Variants in AK9 observed in about 807,000 individuals in gnomAD.
AK9 encodes adenylate kinase 9.
In AK9, 191 loss-of-function variants were observed where a neutral mutation model predicts 239.6. The observed-to-expected ratio is 0.80, with a 90% CI of 0.71 to 0.90. AK9 has a LOEUF of 0.90. Ranked by LOEUF, AK9 falls within the 40% of genes least tolerant of loss-of-function variation. The pLI, the probability that AK9 is intolerant of heterozygous loss-of-function variation, is 0.00. For missense variants in AK9, 1,995 were observed against 2,214.7 expected (o/e 0.90, Z 1.99); for synonymous variants, 689 against 721.0 (o/e 0.96, Z 0.71).
chr6:109,563,468 C>T, intron 24 of AK9, 129 bp downstream of exon 24: 2 of 1,352,894 alleles, frequency 1.5e-6, no homozygotes, highest in Non-Finnish European at 1.9e-6. Flanking sequence ...GAAGCTGAGG[C>T]AGAGGGAGAA....
At chr6:109,537,359 C>G (rs1306248631) in intron 27 of AK9, among the ~76,000 whole-genome samples, 9 of 152,078 alleles carry the variant, frequency 5.9e-5, no homozygotes, top group Middle Eastern at 3.4e-3. Context: ...AGGAATTTAT[C>G]CATTTCTTCT....
chr6:109,659,653 C>T lies in AK9; in HGVS notation c.445-240G>A, dbSNP rs139462393. The stretch of plus-strand genomic sequence containing the variant: ...AATTAATATAGGTGAAAAAGTATTA[C>T]AAGTCTTAAGATGAGAAAAGAGGAT... On this transcript the variant is annotated intron_variant, in intron 6 of 40. Coordinates refer to ENST00000424296, the MANE Select transcript of AK9 (RefSeq NM_001145128.3). Among the ~76,000 whole-genome samples, 254 of 151,968 alleles carry T rather than the reference C, an allele frequency of 1.7e-3. 4 individuals carry two copies. Among genetic ancestry groups the T allele is most frequent in the Middle Eastern group, 6.8e-3 (2 of 294 alleles).
chr6:109,637,443 T>A (rs939723225), intron 10 of AK9, among the ~76,000 whole-genome samples: 6 of 152,212 alleles, frequency 3.9e-5, no homozygotes, highest in Admixed American at 3.9e-4. Context: ...CCTCAAGTGA[T>A]CTGCCTGCCT....
At chr6:109,598,968 A>G (rs967810017) in intron 17 of AK9, among the ~76,000 whole-genome samples, 6 of 152,002 alleles carry the variant, frequency 3.9e-5, no homozygotes, top group African/African-American at 1.5e-4. Context: ...TAGATTCTGG[A>G]TATTAGCCCT....
chr6:109,497,326 T>TCACACACACACA (rs141968479), intron 38 of AK9, 139 bp downstream of exon 38: 233 of 421,730 alleles, frequency 5.5e-4, no homozygotes, highest in African/African-American at 4.1e-3. Context: ...CAGTGCTTGT[T>TCACACACACACA]CACACACACA....
Position 109,545,952 on chromosome 6 carries a change from T to C in AK9, c.3140A>G (p.Glu1047Gly), listed in dbSNP as rs764282672. ...KVGPEFEEDS[E>G]NEQAAKQELE... is the part of the protein sequence containing the mutation. ...TTCTTGTTTGGCAGCTTGCTCGTTC[T>C]CAGAATCTTCCTCAAATTCAGGTCC... Residue 1047 changes from glutamate to glycine, a missense_variant, in exon 26 of 41, where the codon GAG becomes GGG. Physicochemically the swap from Glu to Gly is moderately conservative, Grantham distance 98. Coordinates refer to ENST00000424296, the MANE Select transcript of AK9 (RefSeq NM_001145128.3). 1.2e-6 allele frequency: 2 copies of C among 1,614,218 alleles called. No individual in the cohort carries two copies. The highest frequency in any genetic ancestry group is 4.5e-5 in the East Asian group (2 of 44,890).
chr6:109,526,091 A>G (rs10872038), intron 29 of AK9, among the ~76,000 whole-genome samples: 28,726 of 152,124 alleles, frequency 0.19, 3,187 homozygotes, highest in South Asian at 0.33. Context: ...TTGAGTGCAC[A>G]TGGACACAAA....
At position 109,542,106 on chromosome 6, in the gene AK9, G is replaced by C; in HGVS notation, c.3291C>G (p.Pro1097=). The C allele has an allele frequency of 6.2e-7, 1 of 1,609,262 alleles. No homozygotes were observed. The highest frequency in any genetic ancestry group is 8.5e-7 in the Non-Finnish European group (1 of 1,176,754). The change falls in exon 27 of 41, where the codon CCC becomes CCG. Residue 1097 remains proline, a synonymous_variant. Transcript: ENST00000424296. ...VIKSSLMENE[P]LPPEILEVIL... ...TTACTTCAAGAATTTCAGGAGGCAAGGGCTCATTTTCCATTAGACTTGATT... is the reference window on the plus strand; with the variant it reads ...TTACTTCAAGAATTTCAGGAGGCAACGGCTCATTTTCCATTAGACTTGATT...
At chr6:109,548,702 A>G (rs1032016163) in intron 25 of AK9, among the ~76,000 whole-genome samples, 2 of 152,216 alleles carry the variant, frequency 1.3e-5, no homozygotes, top group African/African-American at 4.8e-5. Flanking sequence ...AGTTGAAAAA[A>G]GTTTCTACTC....
At chr6:109,606,981 G>A (rs902522819) in intron 17 of AK9, among the ~76,000 whole-genome samples, 4 of 152,118 alleles carry the variant, frequency 2.6e-5, no homozygotes, top group Admixed American at 6.5e-5. Context: ...CCATTTGCAA[G>A]TAAAATATAA....
intron 29 of AK9, among the ~76,000 whole-genome samples, chr6:109,523,714 A>C (rs976114151): frequency 6.6e-6 from 1 of 152,144 alleles, no homozygotes; most frequent in Non-Finnish European, 1.5e-5. Flanking sequence ...GTGAGGGTAA[A>C]TGCCAGAGAT....
chr6:109,529,804 T>A (rs542683904), intron 28 of AK9, among the ~76,000 whole-genome samples: 1 of 152,218 alleles, frequency 6.6e-6, no homozygotes, highest in South Asian at 2.1e-4. Context: ...GTGCTGCTGA[T>A]CTGACCAGAG....
Position 109,550,152 on chromosome 6 carries a change from C to G in AK9, c.2902G>C (p.Glu968Gln), listed in dbSNP as rs1039937901. Reference protein sequence around the residue: ...REKIYYFSSAEAKEKFLEHPE... With the variant: ...REKIYYFSSAQAKEKFLEHPE... ...TGCTCCAAAAACTTTTCTTTAGCCT[C>G]AGCACTTGAAAAGTAGTAGATCTTT... is the stretch of plus-strand genomic sequence containing the variant. Residue 968 changes from glutamate to glutamine, a missense_variant, in exon 25 of 41, where the codon GAG becomes CAG. This residue lies in a region of AK9 where 1,290 missense variants were observed against 1,392.7 expected (regional missense o/e 0.93). Coordinates refer to ENST00000424296, the MANE Select transcript of AK9 (RefSeq NM_001145128.3). 5 of 1,613,878 alleles carry G rather than the reference C, an allele frequency of 3.1e-6. No individual in the cohort carries two copies. The highest frequency in any genetic ancestry group is 3.4e-6 in the Non-Finnish European group (4 of 1,180,018).
chr6:109,607,442 A>G (rs1277630941), intron 17 of AK9, among the ~76,000 whole-genome samples: 2 of 152,222 alleles, frequency 1.3e-5, no homozygotes, highest in East Asian at 3.8e-4. Flanking sequence ...CCTAAACAAT[A>G]TAGTGTAAAC....
intron 21 of AK9, among the ~76,000 whole-genome samples, chr6:109,568,793 T>C (rs538533037): frequency 8.5e-5 from 13 of 152,144 alleles, no homozygotes; most frequent in Non-Finnish European, 1.8e-4. Flanking sequence ...TTCAAACAAA[T>C]GGGAGAACAT....
chr6:109,550,005 A>G, intron 25 of AK9, 85 bp downstream of exon 25: 1 of 1,387,902 alleles, frequency 7.2e-7, no homozygotes, highest in South Asian at 1.3e-5. Context: ...TGGGGATTTC[A>G]CCCTTAAGTA....
At chr6:109,572,174 G>A (rs547487980) in intron 21 of AK9, among the ~76,000 whole-genome samples, 21 of 152,256 alleles carry the variant, frequency 1.4e-4, no homozygotes, top group African/African-American at 4.3e-4. Flanking sequence ...ATGAATGTGC[G>A]CCTAGGCATT....
At chr6:109,497,208 ACT>A (rs1777129267) in intron 38 of AK9, among the ~76,000 whole-genome samples, 1 of 151,588 alleles carries the variant, frequency 6.6e-6, no homozygotes, top group African/African-American at 2.4e-5. Flanking sequence ...TTTGGGCTAC[ACT>A]CTCTCAGAAG....
Position 109,612,145 on chromosome 6 carries a change from G to C in AK9, c.1610-52C>G. ...AAAGAACGGTATTAAAAAAAATGTA[G>C]GTGATTCCCAAGGAAGATTGTAATA... On this transcript the variant is annotated intron_variant, in intron 15 of 40. Transcript: ENST00000424296. 3 of 1,219,390 alleles carry C rather than the reference G, an allele frequency of 2.5e-6. No individual in the cohort carries two copies. In the South Asian group the frequency reaches 4.3e-5, roughly 17 times the overall value. 75.5% of individuals were successfully genotyped at this position (1,219,390 alleles called of 1,614,324 possible). A position where few individuals can be genotyped will look rare whatever the true frequency, so the allele number is the denominator to read the frequency against.
Sources: allele counts gnomAD v4.1 joint callset (sites outside exome capture counted in the v4.1 genomes callset), GRCh38; gene constraint gnomAD v4.1.1; regional missense constraint gnomAD v4.1.1; transcripts MANE v1.5; gene names NCBI Gene and HGNC (gene_info 2026-07-23, HGNC 2026-07-21).